Variants in PHTF1 observed in about 807,000 individuals in gnomAD.
The protein encoded by PHTF1 is putative homeodomain transcription factor 1, also known as protein PHTF1.
A neutral mutation model predicts 102.4 loss-of-function variants in PHTF1; 88 were observed. The observed-to-expected ratio is 0.86, with a 90% confidence interval of 0.72 to 1.03. The LOEUF is 1.03. Among genes scored for constraint, PHTF1 ranks in the 50% least tolerant of loss-of-function variants. PHTF1 has a pLI of 0.00. For missense variants in PHTF1, 814 were observed against 909.5 expected, an observed-to-expected ratio of 0.89 and a Z score of 1.35; for synonymous variants, 289 against 305.2, an observed-to-expected ratio of 0.95 and a Z score of 0.55.
intron 5 of PHTF1, among the ~76,000 whole-genome samples, chr1:113,735,103 C>A (rs954082710): frequency 6.6e-6 from 1 of 151,966 alleles, no homozygotes; most frequent in African/African-American, 2.4e-5. Context: ...TGGTGGCTCA[C>A]ACCTGTAATC....
intron 7 of PHTF1, chr1:113,713,669 A>G: frequency 2.2e-6 from 1 of 448,684 alleles, no homozygotes; most frequent in Non-Finnish European, 4.0e-6. Context: ...ACTGAAAGGA[A>G]GCATATACTT....
chr1:113,714,100 G>A (rs1466191397), intron 7 of PHTF1: 1 of 152,392 alleles, frequency 6.6e-6, no homozygotes, highest in Non-Finnish European at 1.5e-5. Flanking sequence ...AAGAGCCCTT[G>A]GGCTCTGTAT....
intron 3 of PHTF1, among the ~76,000 whole-genome samples, chr1:113,750,582 G>A (rs1389839903): frequency 6.6e-6 from 1 of 152,138 alleles, no homozygotes; most frequent in East Asian, 1.9e-4. Flanking sequence ...AAAGGGGCCA[G>A]GCGTGGTGGC....
chr1:113,706,692 G>A lies in PHTF1; in HGVS notation c.1300C>T (p.Pro434Ser), dbSNP rs1283859900. 6.2e-7 allele frequency: 1 copy of A among 1,607,798 alleles called. No individual in the cohort carries two copies. The highest frequency in any genetic ancestry group is 1.7e-5 in the Admixed American group (1 of 59,190). Reference protein sequence around the residue: ...NHLFWLQNSSPSSDRVSAIIW... With the variant: ...NHLFWLQNSSSSSDRVSAIIW... The stretch of plus-strand genomic sequence containing the variant: ...ATTGCACTAACTCGATCAGAGGAAG[G>A]ACTTGAATTCTGAAGCCAGAATAAA... Residue 434 changes from proline (P) to serine (S), a missense_variant, in exon 12 of 19, where the codon CCT becomes TCT. By Grantham distance (74) the Pro-to-Ser change is moderately conservative (BLOSUM62 -1). Coordinates refer to ENST00000369604, the MANE Select transcript of PHTF1 (RefSeq NM_001323043.2).
intron 7 of PHTF1, among the ~76,000 whole-genome samples, chr1:113,717,586 CT>C (rs1652257154): frequency 1.3e-5 from 2 of 152,078 alleles, no homozygotes; most frequent in African/African-American, 4.8e-5. Context: ...CATTTTCATG[CT>C]GCTGATGAAA....
intron 3 of PHTF1, among the ~76,000 whole-genome samples, chr1:113,740,292 C>A (rs138133376): frequency 6.6e-6 from 1 of 151,736 alleles, no homozygotes; most frequent in African/African-American, 2.4e-5. Flanking sequence ...TATCTCATTG[C>A]GGTTTTGATT....
chr1:113,758,572 C>A, intron 2 of PHTF1, 87 bp downstream of exon 2: 2 of 622,320 alleles, frequency 3.2e-6, no homozygotes, highest in Non-Finnish European at 5.2e-6. Flanking sequence ...CACTACTAAA[C>A]TCGGGGGAAA....
chr1:113,705,604 A>G (rs768905833), intron 13 of PHTF1, among the ~76,000 whole-genome samples: 1 of 152,248 alleles, frequency 6.6e-6, no homozygotes, highest in Non-Finnish European at 1.5e-5. Flanking sequence ...TGGATAAAAA[A>G]CAAAAAAGGG....
chr1:113,717,963 C>A (rs1010112325), intron 7 of PHTF1, among the ~76,000 whole-genome samples: 5 of 152,102 alleles, frequency 3.3e-5, no homozygotes, highest in African/African-American at 9.7e-5. Context: ...CCTCACATTT[C>A]AAAACCAATC....
chr1:113,702,588 T>C (rs1201772805), intron 15 of PHTF1, among the ~76,000 whole-genome samples: 2 of 151,804 alleles, frequency 1.3e-5, no homozygotes, highest in African/African-American at 4.8e-5. Flanking sequence ...TCCACTTCTA[T>C]GAAAAATTTA....
chr1:113,698,772 A>AG, intron 17 of PHTF1: 22 of 200,256 alleles, frequency 1.1e-4, no homozygotes, highest in South Asian at 3.5e-4. Context: ...CAGCATTTTG[A>AG]ATCTACACAG....
intron 12 of PHTF1, among the ~76,000 whole-genome samples, 166 bp downstream of exon 12, chr1:113,706,428 A>G (rs1186797708): frequency 7.2e-5 from 11 of 151,956 alleles, no homozygotes; most frequent in Non-Finnish European, 1.5e-4. Flanking sequence ...AAAGACTCTG[A>G]CTACAAAATT....
intron 3 of PHTF1, among the ~76,000 whole-genome samples, chr1:113,756,420 G>GT (rs1259323462): frequency 6.6e-6 from 1 of 152,070 alleles, no homozygotes; most frequent in African/African-American, 2.4e-5. Context: ...TATTCACCCA[G>GT]TTTTTTTAAG....
At chr1:113,742,057 T>G (rs1425362923) in intron 3 of PHTF1, among the ~76,000 whole-genome samples, 1 of 152,166 alleles carries the variant, frequency 6.6e-6, no homozygotes, top group Non-Finnish European at 1.5e-5. Flanking sequence ...GCAGGCACTA[T>G]CCTAAGCACT....
At chr1:113,698,180 CA>C in intron 18 of PHTF1, 81 bp downstream of exon 18, 1 of 887,964 alleles carries the variant, frequency 1.1e-6, no homozygotes, top group South Asian at 1.6e-5. Flanking sequence ...CACACACACA[CA>C]CACACACGTG....
intron 16 of PHTF1, 99 bp from the exon 17 acceptor site, chr1:113,699,898 T>C: frequency 1.4e-6 from 1 of 703,056 alleles, no homozygotes; most frequent in Non-Finnish European, 2.3e-6. Flanking sequence ...TCAAGTAAAA[T>C]AAATTTTGAA....
intron 7 of PHTF1, among the ~76,000 whole-genome samples, chr1:113,717,742 G>A (rs1008824507): frequency 7.9e-5 from 12 of 152,016 alleles, no homozygotes; most frequent in East Asian, 1.9e-4. Flanking sequence ...AAGCAAAAGC[G>A]GAAACCCCTG....
At chr1:113,741,744 A>G (rs930084662) in intron 3 of PHTF1, among the ~76,000 whole-genome samples, 4 of 152,160 alleles carry the variant, frequency 2.6e-5, no homozygotes, top group Non-Finnish European at 5.9e-5. Flanking sequence ...GTATAAAATA[A>G]TAAGTCAAAA....
chr1:113,726,355 T>C (rs1653824651), intron 6 of PHTF1, 63 bp downstream of exon 6: 1 of 1,233,684 alleles, frequency 8.1e-7, no homozygotes, highest in African/African-American at 1.6e-5. Flanking sequence ...ATCAAAGGTT[T>C]TATAAATCTC....
Sources: gnomAD v4.1 joint callset for allele counts (sites outside exome capture counted in the v4.1 genomes callset) on GRCh38, gnomAD v4.1.1 for gene constraint, MANE v1.5 for transcripts, NCBI Gene and HGNC (gene_info 2026-07-23, HGNC 2026-07-21) for gene names.